LGSN: variants seen among roughly 807,000 people sequenced by gnomAD.
The protein encoded by LGSN is lengsin.
Under a neutral mutation model 19.5 loss-of-function variants are expected in LGSN, and 21 were observed. The observed-to-expected ratio is 1.07, with a 90% CI of 0.76 to 1.55. LGSN has a LOEUF of 1.55. Ranked by LOEUF, LGSN falls within the 40% of genes most tolerant of loss-of-function variation. LGSN has a pLI of 0.00. For synonymous variants in LGSN, 257 were observed against 215.6 expected (o/e 1.19, Z -1.68); for missense variants, 673 against 608.5 (o/e 1.11, Z -1.12).
At chr6:63,384,793 C>T in the LGSN span, among the ~76,000 whole-genome samples, 3 of 152,226 alleles carry the variant, frequency 2.0e-5, no homozygotes, top group African/African-American at 7.2e-5. Flanking sequence ...GCTGGGATTA[C>T]AGGCATGAGC....
chr6:63,389,931 A>C, the LGSN span, among the ~76,000 whole-genome samples: 1 of 151,398 alleles, frequency 6.6e-6, no homozygotes, highest in South Asian at 2.1e-4. Flanking sequence ...TTCCTCCCCC[A>C]TCCCCCACAA....
chr6:63,510,657 C>A, the LGSN span, among the ~76,000 whole-genome samples: 2 of 137,284 alleles, frequency 1.5e-5, no homozygotes, highest in Non-Finnish European at 3.0e-5. Flanking sequence ...CTTCAAGAAG[C>A]GAATTTTTTT....
chr6:63,394,089 G>A, the LGSN span, among the ~76,000 whole-genome samples: 137 of 152,232 alleles, frequency 9.0e-4, no homozygotes, highest in Admixed American at 4.7e-3. Flanking sequence ...CCAACATGGC[G>A]AAACCTGTCT....
At chr6:63,521,864 C>T in the LGSN span, 1 of 152,270 alleles carries the variant, frequency 6.6e-6, no homozygotes, top group Admixed American at 6.5e-5. Context: ...TTTTATGGAA[C>T]ACCTAGGGAC....
chr6:63,329,709 G>A, the LGSN span, among the ~76,000 whole-genome samples: 1 of 152,128 alleles, frequency 6.6e-6, no homozygotes, highest in Admixed American at 6.5e-5. Flanking sequence ...TCAAGTAGGG[G>A]ACAACAAATG....
At chr6:63,444,706 C>T in the LGSN span, among the ~76,000 whole-genome samples, 4 of 152,170 alleles carry the variant, frequency 2.6e-5, no homozygotes, top group African/African-American at 9.7e-5. Context: ...ATATCTGCTC[C>T]TGTCTGACCC....
At chr6:63,559,182 AT>A in the LGSN span, among the ~76,000 whole-genome samples, 1 of 152,216 alleles carries the variant, frequency 6.6e-6, no homozygotes, top group African/African-American at 2.4e-5. Flanking sequence ...TACAAATAAC[AT>A]GCTAATGAGG....
At chr6:63,326,736 G>A in the LGSN span, among the ~76,000 whole-genome samples, 519 of 152,306 alleles carry the variant, frequency 3.4e-3, 4 homozygotes, top group African/African-American at 0.011. Context: ...AGCGCCTGCC[G>A]GCTGCTTTGA....
At chr6:63,548,025 G>A in the LGSN span, among the ~76,000 whole-genome samples, 3 of 151,900 alleles carry the variant, frequency 2.0e-5, no homozygotes, top group Non-Finnish European at 4.4e-5. Context: ...TTCCCTCTAG[G>A]GATTCCCTGT....
chr6:63,559,980 A>G, the LGSN span, among the ~76,000 whole-genome samples: 1 of 152,196 alleles, frequency 6.6e-6, no homozygotes, highest in East Asian at 1.9e-4. Flanking sequence ...ACAGGAATAT[A>G]TAATATTGTG....
the LGSN span, among the ~76,000 whole-genome samples, chr6:63,569,175 C>A: frequency 2.6e-5 from 4 of 152,170 alleles, no homozygotes; most frequent in Middle Eastern, 3.2e-3. Flanking sequence ...GAAGATTTCT[C>A]TGTTCTTCTT....
chr6:63,381,327 G>C, the LGSN span, among the ~76,000 whole-genome samples: 1 of 152,056 alleles, frequency 6.6e-6, no homozygotes, highest in Non-Finnish European at 1.5e-5. Flanking sequence ...TTCAAATCAG[G>C]GCATCCACAG....
At chr6:63,349,870 C>T in the LGSN span, among the ~76,000 whole-genome samples, 11 of 152,134 alleles carry the variant, frequency 7.2e-5, no homozygotes, top group East Asian at 3.8e-4. Flanking sequence ...AGTCCTTCTA[C>T]GGAGACTGGG....
the LGSN span, chr6:63,572,144 GT>G: frequency 6.6e-6 from 1 of 152,482 alleles, no homozygotes; most frequent in Non-Finnish European, 1.5e-5. Flanking sequence ...CTCCTGGACC[GT>G]TTTAATTATG....
At chr6:63,490,470 A>T in the LGSN span, among the ~76,000 whole-genome samples, 12 of 152,292 alleles carry the variant, frequency 7.9e-5, no homozygotes, top group African/African-American at 2.9e-4. Context: ...ACCTTACCCT[A>T]ACCAGAATTA....
upstream of LGSN, among the ~76,000 whole-genome samples, chr6:63,322,918 C>A (rs7750053): frequency 2.9e-3 from 446 of 152,274 alleles, 3 homozygotes; most frequent in African/African-American, 0.01. Context: ...GGGAATTTCT[C>A]CTCTCATCTG....
chr6:63,355,667 T>C, the LGSN span, among the ~76,000 whole-genome samples: 3 of 152,194 alleles, frequency 2.0e-5, no homozygotes, highest in South Asian at 6.2e-4. Context: ...GATGCATCAC[T>C]CCAGTACTCT....
chr6:63,377,444 A>G, the LGSN span, among the ~76,000 whole-genome samples: 1 of 152,282 alleles, frequency 6.6e-6, no homozygotes, highest in South Asian at 2.1e-4. Flanking sequence ...AGCCCTGGGG[A>G]GTTGGTTCAT....
chr6:63,555,931 T>A, the LGSN span, among the ~76,000 whole-genome samples: 6 of 152,142 alleles, frequency 3.9e-5, no homozygotes, highest in African/African-American at 1.4e-4. Context: ...CCTCAAGTGA[T>A]CTGCCTGCCT....
Sources: gnomAD v4.1 joint callset for allele counts (sites outside exome capture counted in the v4.1 genomes callset) on GRCh38, gnomAD v4.1.1 for gene constraint, MANE v1.5 for transcripts, NCBI Gene and HGNC (gene_info 2026-07-23, HGNC 2026-07-21) for gene names.